Variants in PDE4D observed in about 807,000 individuals in gnomAD.
PDE4D encodes the protein 3',5'-cyclic-AMP phosphodiesterase 4D.
PDE4D carries 24 observed loss-of-function variants against 87.4 expected under a neutral mutation model. The observed-to-expected ratio is 0.27, with a 90% CI of 0.20 to 0.39. The LOEUF (loss-of-function observed/expected upper bound fraction) is 0.39, where lower values mean the gene tolerates loss of function less well. PDE4D is among the 10% of genes least tolerant of loss of function. PDE4D has a pLI of 1.00. For synonymous variants in PDE4D, 384 were observed against 383.2 expected, an observed-to-expected ratio of 1.00 and a Z score of -0.02; for missense variants, 714 against 1,041.0, an observed-to-expected ratio of 0.69 and a Z score of 4.32.
chr5:59,756,359 A>T (rs1449032393), intron 1 of PDE4D, among the ~76,000 whole-genome samples: 2 of 152,182 alleles, frequency 1.3e-5, no homozygotes, highest in African/African-American at 4.8e-5. Flanking sequence ...TTTTTCAGAA[A>T]TATAACAGGC....
At chr5:59,604,534 GTTT>G (rs1221532881) in intron 1 of PDE4D, among the ~76,000 whole-genome samples, 1 of 151,946 alleles carries the variant, frequency 6.6e-6, no homozygotes, top group African/African-American at 2.4e-5. Flanking sequence ...CCATGGTATG[GTTT>G]TGGTATCATT....
chr5:59,676,634 G>T (rs955102378), intron 1 of PDE4D, among the ~76,000 whole-genome samples: 8 of 151,994 alleles, frequency 5.3e-5, no homozygotes, highest in South Asian at 4.1e-4. Flanking sequence ...GATATATAAG[G>T]TGTATACACT....
chr5:59,389,697 T>C (rs1242949596), intron 1 of PDE4D, among the ~76,000 whole-genome samples: 1 of 152,114 alleles, frequency 6.6e-6, no homozygotes, highest in Non-Finnish European at 1.5e-5. Context: ...GGAATCAACC[T>C]AAGTGTCCTT....
At position 58,988,551 on chromosome 5, in the gene PDE4D, G is replaced by A. The variant is rs2153335881; in HGVS notation, c.1494C>T (p.Ala498=). 9.3e-6 allele frequency: 14 copies of A among 1,501,110 alleles called. No individual in the cohort carries two copies. Among genetic ancestry groups the A allele is most frequent in the African/African-American group, 1.4e-5 (1 of 72,120 alleles). 93.0% of individuals were successfully genotyped at this position (1,501,110 alleles called of 1,614,324 possible). A position where few individuals can be genotyped will look rare whatever the true frequency, so the allele number is the denominator to read the frequency against. ...TDLEILAAIF[A]SAIHDVDHPG... ...GATGATCTACATCATGTATTGCACT[G>A]GCAAAAATTGCTGCAAGAATCTCCA... The change falls in exon 11 of 15, where the codon GCC becomes GCT. Residue 498 remains alanine, a synonymous_variant. Coordinates refer to ENST00000340635, the MANE Select transcript of PDE4D (RefSeq NM_001104631.2).
intron 1 of PDE4D, among the ~76,000 whole-genome samples, chr5:59,299,529 T>C (rs1769758785): frequency 6.6e-6 from 1 of 152,158 alleles, no homozygotes; most frequent in Non-Finnish European, 1.5e-5. Flanking sequence ...CCTAAACCAA[T>C]ACATGTCTCT....
chr5:59,930,803 T>C (rs1755826317), intron 3 of PDE4D, among the ~76,000 whole-genome samples: 1 of 152,158 alleles, frequency 6.6e-6, no homozygotes, highest in South Asian at 2.1e-4. Context: ...TTGAAAGAAA[T>C]GATTGTTTGA....
At chr5:60,321,661 A>G (rs1562322190) in intron 1 of PDE4D, among the ~76,000 whole-genome samples, 1 of 152,244 alleles carries the variant, frequency 6.6e-6, no homozygotes, top group Non-Finnish European at 1.5e-5. Flanking sequence ...ACAAAGGTCT[A>G]ATATCCAGCA....
At chr5:59,286,935 T>C (rs1381826527) in intron 1 of PDE4D, among the ~76,000 whole-genome samples, 1 of 152,112 alleles carries the variant, frequency 6.6e-6, no homozygotes, top group East Asian at 1.9e-4. Context: ...CATTTAAAGT[T>C]TTCTTTTTGG....
At chr5:59,367,963 C>T (rs1204470517) in intron 1 of PDE4D, among the ~76,000 whole-genome samples, 1 of 152,256 alleles carries the variant, frequency 6.6e-6, no homozygotes, top group Non-Finnish European at 1.5e-5. Flanking sequence ...GAGGAGCTAG[C>T]TGTTTGCACA....
chr5:59,925,710 A>G (rs920349291), intron 3 of PDE4D, among the ~76,000 whole-genome samples: 48 of 152,318 alleles, frequency 3.2e-4, no homozygotes, highest in African/African-American at 1.1e-3. Context: ...AAGAACAGGA[A>G]TAGTTACAGT....
chr5:60,441,065 T>G (rs1242231274), intron 1 of PDE4D, among the ~76,000 whole-genome samples: 1 of 151,990 alleles, frequency 6.6e-6, no homozygotes, highest in Non-Finnish European at 1.5e-5. Context: ...AAGAATATCC[T>G]AGAGAAGAAA....
chr5:60,010,310 C>T (rs927796960), intron 2 of PDE4D, among the ~76,000 whole-genome samples: 1 of 152,150 alleles, frequency 6.6e-6, no homozygotes. Flanking sequence ...AGATAAAGCA[C>T]ATAGTTTGCA....
chr5:59,911,660 C>A (rs956958744), intron 3 of PDE4D, among the ~76,000 whole-genome samples: 1 of 152,166 alleles, frequency 6.6e-6, no homozygotes, highest in Non-Finnish European at 1.5e-5. Context: ...ACAGGAGCAT[C>A]GGTTGACTTA....
intron 10 of PDE4D, 113 bp downstream of exon 10, chr5:58,989,642 T>C: frequency 1.6e-6 from 1 of 626,902 alleles, no homozygotes; most frequent in African/African-American, 1.9e-5. Flanking sequence ...GTCAATAAGT[T>C]ATACTTCCAA....
chr5:59,444,154 G>C (rs1218383272), intron 1 of PDE4D, among the ~76,000 whole-genome samples: 1 of 152,036 alleles, frequency 6.6e-6, no homozygotes, highest in Non-Finnish European at 1.5e-5. Flanking sequence ...TGTCTTTTTT[G>C]CTTTGGGCTA....
intron 1 of PDE4D, among the ~76,000 whole-genome samples, chr5:60,364,960 C>A (rs772646131): frequency 6.6e-6 from 1 of 152,124 alleles, no homozygotes; most frequent in Non-Finnish European, 1.5e-5. Flanking sequence ...TTGATAGACT[C>A]GCTTCAGAAA....
intron 1 of PDE4D, among the ~76,000 whole-genome samples, chr5:59,534,592 C>A (rs955569834): frequency 1.3e-5 from 2 of 152,140 alleles, no homozygotes; most frequent in Non-Finnish European, 2.9e-5. Context: ...GAATAGTATG[C>A]ACATGAAAGT....
At chr5:59,239,175 T>C (rs1013669584) in intron 1 of PDE4D, among the ~76,000 whole-genome samples, 4 of 152,250 alleles carry the variant, frequency 2.6e-5, no homozygotes, top group Non-Finnish European at 5.9e-5. Context: ...GCTGTACTGC[T>C]GTCTGTTGAT....
rs1223525410 is a variant in PDE4D, at chr5:59,453,209, T to C, written c.456-237241A>G. Among the ~76,000 whole-genome samples the C allele has an allele frequency of 5.3e-5, 8 of 152,286 alleles. No homozygotes were observed. The East Asian group carries it at 1.5e-3, about 29-fold the overall frequency. On this transcript the variant is annotated intron_variant, in intron 1 of 14. Transcript: ENST00000340635. ...TATATAAGATGGCAAACTCAATTAA[T>C]GGGTGTTCTGACTGCTCCACCAACT...
Sources: gnomAD v4.1 joint callset for allele counts (sites outside exome capture counted in the v4.1 genomes callset) on GRCh38, gnomAD v4.1.1 for gene constraint, MANE v1.5 for transcripts, NCBI Gene and HGNC (gene_info 2026-07-23, HGNC 2026-07-21) for gene names.